Variants in RBFOX1 observed in about 807,000 individuals in gnomAD.
The protein encoded by RBFOX1 is RNA binding protein fox-1 homolog 1.
A neutral mutation model predicts 57.7 loss-of-function variants in RBFOX1; 8 were observed. The observed-to-expected ratio is 0.14, with a 90% CI of 0.08 to 0.25. The LOEUF (loss-of-function observed/expected upper bound fraction) is 0.25, where lower values mean the gene tolerates loss of function less well. Among genes scored for constraint, RBFOX1 ranks in the 10% least tolerant of loss-of-function variants. The probability of loss-of-function intolerance (pLI) is 1.00; values close to 1 mark genes in which losing one functional copy is unlikely to be tolerated. For synonymous variants in RBFOX1, 326 were observed against 222.4 expected (o/e 1.47, Z -4.15); for missense variants, 611 against 548.5 (o/e 1.11, Z -1.14).
intron 2 of RBFOX1, among the ~76,000 whole-genome samples, chr16:6,649,672 A>G (rs960957105): frequency 3.3e-5 from 5 of 152,134 alleles, no homozygotes; most frequent in African/African-American, 7.2e-5. Flanking sequence ...AGTTCCATCC[A>G]GGTTGCTGTG....
intron 3 of RBFOX1, among the ~76,000 whole-genome samples, chr16:5,631,653 G>C (rs1470071969): frequency 6.6e-6 from 1 of 151,784 alleles, no homozygotes; most frequent in Non-Finnish European, 1.5e-5. Flanking sequence ...CTGCATTCAT[G>C]TTTCCCACCT....
At chr16:6,278,011 C>A (rs1306939342) in intron 1 of RBFOX1, among the ~76,000 whole-genome samples, 1 of 152,026 alleles carries the variant, frequency 6.6e-6, no homozygotes, top group Non-Finnish European at 1.5e-5. Context: ...TTGAGCTGAA[C>A]GAATTAAAAT....
At chr16:6,183,255 C>A (rs2097078913) in intron 1 of RBFOX1, among the ~76,000 whole-genome samples, 1 of 151,804 alleles carries the variant, frequency 6.6e-6, no homozygotes, top group African/African-American at 2.4e-5. Context: ...CCAAGGCGGG[C>A]AGATCAGGAG....
intron 4 of RBFOX1, among the ~76,000 whole-genome samples, chr16:7,072,743 A>T (rs1029950721): frequency 6.6e-6 from 1 of 152,228 alleles, no homozygotes; most frequent in East Asian, 1.9e-4. Context: ...TTTTCAGGCA[A>T]TGGGTACAAA....
Position 7,122,725 on chromosome 16 carries a change from AC to A in RBFOX1, c.27+70630del, listed in dbSNP as rs1412922502. ...TAGCAATCCTACTCCTGGGTTCCTT[AC>A]CCAAAGATATTGTATATTTATAAAA... On this transcript the variant is annotated intron_variant, in intron 4 of 15. Coordinates refer to ENST00000550418, the MANE Select transcript of RBFOX1 (RefSeq NM_018723.4). Among the ~76,000 whole-genome samples the A allele has an allele frequency of 5.3e-5, 8 of 152,260 alleles. No individual in the cohort carries two copies. In the South Asian group the frequency reaches 1.5e-3, roughly 28 times the overall value.
At position 7,710,865 on chromosome 16, in the gene RBFOX1, TAAAAAGGAA is replaced by T; in HGVS notation, c.*126_*134del. ...ACTCTAAAAAAAAAAAAAATACAAA[TAAAAAGGAA>T]AAAAAATTACATTTTTTATCTTATA... On this transcript the variant is annotated 3_prime_UTR_variant, in exon 16 of 16. Transcript: ENST00000550418. 2 of 1,027,610 alleles carry T rather than the reference TAAAAAGGAA, an allele frequency of 1.9e-6. No individual in the cohort carries two copies. The highest frequency in any genetic ancestry group is 3.2e-5 in the East Asian group (1 of 31,126). 63.7% of individuals were successfully genotyped at this position (1,027,610 alleles called of 1,614,324 possible). A position where few individuals can be genotyped will look rare whatever the true frequency, so the allele number is the denominator to read the frequency against.
chr16:7,355,224 C>G (rs146979746), intron 4 of RBFOX1, among the ~76,000 whole-genome samples: 2 of 152,330 alleles, frequency 1.3e-5, no homozygotes, highest in South Asian at 2.1e-4. Context: ...CCTCGTCCTT[C>G]TAACCTCTAC....
intron 2 of RBFOX1, among the ~76,000 whole-genome samples, chr16:5,573,909 G>A (rs192561006): frequency 1.6e-4 from 24 of 152,238 alleles, no homozygotes; most frequent in East Asian, 1.4e-3. Context: ...AGCTGTGATC[G>A]CGCCACTGCA....
chr16:5,799,277 G>C (rs1175437659), intron 3 of RBFOX1, among the ~76,000 whole-genome samples: 1 of 151,962 alleles, frequency 6.6e-6, no homozygotes, highest in African/African-American at 2.4e-5. Flanking sequence ...TCTCCCACTG[G>C]GTTCCTCCCA....
intron 5 of RBFOX1, among the ~76,000 whole-genome samples, chr16:7,537,807 A>G (rs1445356547): frequency 6.6e-6 from 1 of 152,218 alleles, no homozygotes; most frequent in African/African-American, 2.4e-5. Flanking sequence ...TTGAATGCAG[A>G]CTAGAGCCTT....
intron 12 of RBFOX1, among the ~76,000 whole-genome samples, chr16:7,663,409 G>C (rs2068294655): frequency 6.6e-6 from 1 of 152,072 alleles, no homozygotes; most frequent in African/African-American, 2.4e-5. Context: ...AATGGTACTT[G>C]GAGTTTAGTC....
At position 6,062,089 on chromosome 16, in the gene RBFOX1, A is replaced by C. The variant is rs189164659; in HGVS notation, c.-127+42097A>C. 7.2e-4 allele frequency among the ~76,000 whole-genome samples: 109 copies of C among 152,250 alleles called. 1 individual carries two copies. The highest frequency in any genetic ancestry group is 2.5e-3 in the African/African-American group (103 of 41,554). On this transcript the variant is annotated intron_variant, in intron 1 of 15. Coordinates refer to ENST00000550418, the MANE Select transcript of RBFOX1 (RefSeq NM_018723.4). Reference sequence around the variant, plus strand: ...ATAAAGGATATTACAATGGATAGAGATGAACAGCCAAACGAGATGCATGGG... The same window carrying C: ...ATAAAGGATATTACAATGGATAGAGCTGAACAGCCAAACGAGATGCATGGG...
chr16:6,707,870 G>C (rs1012492940), intron 3 of RBFOX1, among the ~76,000 whole-genome samples: 1 of 152,180 alleles, frequency 6.6e-6, no homozygotes, highest in African/African-American at 2.4e-5. Flanking sequence ...CATTAAGCTT[G>C]TAACTCTTGG....
intron 1 of RBFOX1, among the ~76,000 whole-genome samples, chr16:6,154,601 GT>G (rs2096825883): frequency 6.6e-6 from 1 of 152,168 alleles, no homozygotes; most frequent in Non-Finnish European, 1.5e-5. Flanking sequence ...CATTATTGCT[GT>G]TTATTTCCTT....
chr16:5,623,233 TG>T (rs2048251762), intron 3 of RBFOX1, among the ~76,000 whole-genome samples: 1 of 152,126 alleles, frequency 6.6e-6, no homozygotes, highest in Non-Finnish European at 1.5e-5. Context: ...GTACATCTTA[TG>T]GGGTGACTGT....
At chr16:6,761,467 C>G (rs949715560) in intron 3 of RBFOX1, among the ~76,000 whole-genome samples, 4 of 144,294 alleles carry the variant, frequency 2.8e-5, no homozygotes, top group Non-Finnish European at 6.1e-5. Flanking sequence ...TAAACATACA[C>G]TCCAGGTAAT....
At chr16:6,647,794 G>A (rs990761655) in intron 2 of RBFOX1, among the ~76,000 whole-genome samples, 3 of 152,082 alleles carry the variant, frequency 2.0e-5, no homozygotes, top group Non-Finnish European at 4.4e-5. Flanking sequence ...GAATGCAGTG[G>A]TACAATCTTA....
intron 3 of RBFOX1, among the ~76,000 whole-genome samples, chr16:6,939,201 T>C (rs2077900832): frequency 6.6e-6 from 1 of 152,190 alleles, no homozygotes; most frequent in African/African-American, 2.4e-5. Flanking sequence ...AAATAATTTA[T>C]TAGGTTTTGA....
chr16:7,310,096 C>T (rs747383726), intron 4 of RBFOX1, among the ~76,000 whole-genome samples: 12 of 152,198 alleles, frequency 7.9e-5, no homozygotes, highest in Non-Finnish European at 1.8e-4. Flanking sequence ...ATAGGGTCAG[C>T]TCTCAGGCAC....
Sources: allele counts gnomAD v4.1 joint callset (sites outside exome capture counted in the v4.1 genomes callset), GRCh38; gene constraint gnomAD v4.1.1; transcripts MANE v1.5; gene names NCBI Gene and HGNC (gene_info 2026-07-23, HGNC 2026-07-21).